GRIA4: variants seen among roughly 807,000 people sequenced by gnomAD.
The protein encoded by GRIA4 is glutamate receptor 4.
Under a neutral mutation model 104.0 loss-of-function variants are expected in GRIA4, and 34 were observed. The ratio of observed to expected loss-of-function variants is 0.33; its 90% CI spans 0.25 to 0.44. The LOEUF (loss-of-function observed/expected upper bound fraction) is 0.44, where lower values mean the gene tolerates loss of function less well. GRIA4 is among the 20% of genes least tolerant of loss of function. The pLI is 1.00. For missense variants in GRIA4, 750 were observed against 1,096.5 expected (o/e 0.68, Z 4.46); for synonymous variants, 386 against 381.9 (o/e 1.01, Z -0.13).
intron 5 of GRIA4, among the ~76,000 whole-genome samples, chr11:105,883,537 T>G (rs557620366): frequency 6.6e-6 from 1 of 152,130 alleles, no homozygotes; most frequent in South Asian, 2.1e-4. Context: ...TTTGGTTTTT[T>G]GTCCTTGTGA....
intron 4 of GRIA4, among the ~76,000 whole-genome samples, chr11:105,836,405 A>G (rs552264002): frequency 1.3e-5 from 2 of 152,238 alleles, no homozygotes; most frequent in East Asian, 3.9e-4. Context: ...TTCCACTGAG[A>G]ATAATCATGA....
chr11:105,852,127 G>C (rs1284002842), intron 4 of GRIA4, among the ~76,000 whole-genome samples: 1 of 152,200 alleles, frequency 6.6e-6, no homozygotes, highest in Admixed American at 6.6e-5. Flanking sequence ...ATGAGTCTGA[G>C]AGAATCTCTT....
chr11:105,870,033 GT>G (rs985133599), intron 5 of GRIA4, among the ~76,000 whole-genome samples: 2 of 151,802 alleles, frequency 1.3e-5, no homozygotes, highest in African/African-American at 4.8e-5. Context: ...ATTTTTTAAA[GT>G]TTTTTCCCAG....
At chr11:105,876,627 G>A (rs961337224) in intron 5 of GRIA4, among the ~76,000 whole-genome samples, 6 of 152,244 alleles carry the variant, frequency 3.9e-5, no homozygotes, top group African/African-American at 9.6e-5. Flanking sequence ...ATTTAGGATC[G>A]TTAGCTCTTC....
chr11:105,897,310 G>A (rs1183093221), intron 6 of GRIA4, among the ~76,000 whole-genome samples: 1 of 152,072 alleles, frequency 6.6e-6, no homozygotes, highest in African/African-American at 2.4e-5. Flanking sequence ...GTAGTCTTCT[G>A]GAGGAGTCTT....
intron 3 of GRIA4, among the ~76,000 whole-genome samples, chr11:105,700,937 A>C (rs1007866028): frequency 5.0e-4 from 76 of 152,180 alleles, no homozygotes; most frequent in Non-Finnish European, 2.9e-4. Context: ...AGGTGTCATG[A>C]AAGGCTATCC....
intron 4 of GRIA4, among the ~76,000 whole-genome samples, chr11:105,767,134 T>G (rs1262652935): frequency 6.6e-6 from 1 of 152,158 alleles, no homozygotes; most frequent in African/African-American, 2.4e-5. Context: ...TGAAATTTGA[T>G]AAGTGAATTT....
rs935024939 is a variant in GRIA4 at position 105,614,256 on chromosome 11, T to C, written c.247+1822T>C. ...TATATGTTTTATTTTGTTTCATTTTTACAAAGTAAGATCTTAAATATTCTA... is the reference window on the plus strand; with the variant it reads ...TATATGTTTTATTTTGTTTCATTTTCACAAAGTAAGATCTTAAATATTCTA... On this transcript the variant is annotated intron_variant, in intron 3 of 16. Transcript: ENST00000282499. 9.2e-5 allele frequency: 14 copies of C among 151,736 alleles called. 1 individual carries two copies. The highest frequency in any genetic ancestry group is 1.5e-5 in the Non-Finnish European group (1 of 67,794). 9.4% of individuals were successfully genotyped at this position (151,736 alleles called of 1,614,324 possible). A position where few individuals can be genotyped will look rare whatever the true frequency, so the allele number is the denominator to read the frequency against.
At chr11:105,725,914 C>A (rs989477190) in intron 3 of GRIA4, among the ~76,000 whole-genome samples, 5 of 152,108 alleles carry the variant, frequency 3.3e-5, no homozygotes, top group Non-Finnish European at 5.9e-5. Context: ...CAGGAGATTC[C>A]CTCGGGTGCC....
intron 6 of GRIA4, among the ~76,000 whole-genome samples, chr11:105,897,667 C>T (rs1002116003): frequency 1.3e-5 from 2 of 152,074 alleles, no homozygotes; most frequent in Middle Eastern, 3.4e-3. Context: ...TTGGGAGGAT[C>T]GTAAGGTTTT....
chr11:105,769,568 G>A (rs1041569990), intron 4 of GRIA4, among the ~76,000 whole-genome samples: 5 of 152,084 alleles, frequency 3.3e-5, no homozygotes, highest in African/African-American at 1.2e-4. Flanking sequence ...ATGTCAGATA[G>A]TGAATATCCC....
chr11:105,686,831 G>A (rs1024653156), intron 3 of GRIA4, among the ~76,000 whole-genome samples: 6 of 152,100 alleles, frequency 3.9e-5, no homozygotes, highest in Non-Finnish European at 7.4e-5. Context: ...ATTAGTGAAT[G>A]TGTAATATTT....
chr11:105,858,397 A>G (rs373884139), intron 4 of GRIA4, among the ~76,000 whole-genome samples: 2 of 152,230 alleles, frequency 1.3e-5, no homozygotes, highest in East Asian at 3.9e-4. Context: ...GTAGCTGTGT[A>G]TATTTATGGG....
At chr11:105,833,923 T>C (rs150481593) in intron 4 of GRIA4, among the ~76,000 whole-genome samples, 4 of 152,194 alleles carry the variant, frequency 2.6e-5, no homozygotes, top group Admixed American at 1.3e-4. Context: ...CTGTTTATTT[T>C]AATGAAAGTA....
chr11:105,714,530 T>C (rs193068295), intron 3 of GRIA4, among the ~76,000 whole-genome samples: 1 of 152,254 alleles, frequency 6.6e-6, no homozygotes, highest in East Asian at 1.9e-4. Context: ...ATTATCATGC[T>C]TAAGACTTGA....
chr11:105,635,895 C>T (rs1009727218), intron 3 of GRIA4, among the ~76,000 whole-genome samples: 4 of 152,116 alleles, frequency 2.6e-5, no homozygotes, highest in African/African-American at 9.7e-5. Context: ...TACTCAATGT[C>T]GTTTAGAAAT....
intron 4 of GRIA4, among the ~76,000 whole-genome samples, chr11:105,757,224 G>C (rs1940364920): frequency 6.6e-6 from 1 of 152,098 alleles, no homozygotes; most frequent in African/African-American, 2.4e-5. Context: ...GTGGATAAAG[G>C]CACATAAATG....
chr11:105,776,320 A>C (rs1162500357), intron 4 of GRIA4, among the ~76,000 whole-genome samples: 1 of 152,202 alleles, frequency 6.6e-6, no homozygotes, highest in African/African-American at 2.4e-5. Context: ...CTGTATTTTA[A>C]AATCATATTT....
intron 3 of GRIA4, among the ~76,000 whole-genome samples, chr11:105,717,260 C>G (rs1471733147): frequency 1.3e-5 from 2 of 152,034 alleles, no homozygotes; most frequent in Non-Finnish European, 2.9e-5. Context: ...ATGGCAAGCT[C>G]CATACCAGCT....
Sources: gnomAD v4.1 joint callset for allele counts (sites outside exome capture counted in the v4.1 genomes callset) on GRCh38, gnomAD v4.1.1 for gene constraint, MANE v1.5 for transcripts, NCBI Gene and HGNC (gene_info 2026-07-23, HGNC 2026-07-21) for gene names.